ZNF285: variants seen among roughly 807,000 people sequenced by gnomAD.
ZNF285 encodes the protein zinc finger protein 285.
In ZNF285, 4 loss-of-function variants were observed where a neutral mutation model predicts 6.2. The observed-to-expected ratio is 0.65, with a 90% CI of 0.32 to 1.49. ZNF285 has a LOEUF of 1.49. ZNF285 is among the 40% of genes most tolerant of loss of function. The pLI, the probability that ZNF285 is intolerant of heterozygous loss-of-function variation, is 0.07. For missense variants in ZNF285, 695 were observed against 708.8 expected (o/e 0.98, Z 0.22); for synonymous variants, 240 against 245.8 (o/e 0.98, Z 0.22).
chr19:44,387,202 T>G lies in ZNF285; in HGVS notation c.1043A>C (p.Glu348Ala), dbSNP rs145215668. The G allele has an allele frequency of 4.9e-5, 79 of 1,612,700 alleles. 1 individual carries two copies. The Admixed American group carries it at 5.8e-4, about 12-fold the overall frequency. ...CCTAAATCCAAACCCTTTCCCACAT[T>G]CATCGCATTTGTAGGGCATCTCCCC... ...HTGEMPYKCD[E>A]CGKGFGFRSL... Residue 348 changes from glutamate to alanine, a missense_variant, in exon 4 of 4, where the codon GAA becomes GCA. Glu to Ala is a moderately radical substitution (Grantham distance 107). Transcript: ENST00000614994.
intron 2 of ZNF285, among the ~76,000 whole-genome samples, chr19:44,393,082 ATGTGAAATT>A (rs1971224221): frequency 6.6e-6 from 1 of 152,174 alleles, no homozygotes; most frequent in Admixed American, 6.5e-5. Context: ...AGTGGTATCA[ATGTGAAATT>A]TCTTGAGTAT....
chr19:44,392,731 C>T, intron 2 of ZNF285: 1 of 602,098 alleles, frequency 1.7e-6, no homozygotes, highest in East Asian at 3.5e-5. Context: ...TGTTGAGGCT[C>T]TCATAAGGAC....
intron 2 of ZNF285, chr19:44,394,494 A>G (rs753368708): frequency 3.9e-6 from 2 of 512,756 alleles, no homozygotes. Flanking sequence ...AACCCCCGCA[A>G]CACATAATTT....
rs894727049 is a variant in ZNF285, at chr19:44,386,733, T to C, written c.1512A>G (p.Arg504=). ...TATATGGTTTCTCTCTGATGTGATCTCTTTGATGTAAGTGAAAATATGAAC... is the reference window on the plus strand; with the variant it reads ...TATATGGTTTCTCTCTGATGTGATCCCTTTGATGTAAGTGAAAATATGAAC... ...SYSSYFHLHQ[R]DHIREKPYKC... Residue 504 remains arginine (R), a synonymous_variant, in exon 4 of 4, where the codon AGA becomes AGG. Coordinates refer to ENST00000614994, the MANE Select transcript of ZNF285 (RefSeq NM_152354.6). 3 of 1,614,240 alleles carry C rather than the reference T, an allele frequency of 1.9e-6. No individual in the cohort carries two copies. Among genetic ancestry groups the C allele is most frequent in the Admixed American group, 1.7e-5 (1 of 60,018 alleles).
At chr19:44,397,371 T>C in intron 1 of ZNF285, 115 bp from the exon 2 acceptor site, 1 of 1,246,328 alleles carries the variant, frequency 8.0e-7, no homozygotes, top group South Asian at 1.3e-5. Context: ...GGATATCATC[T>C]CTTCTCGCTC....
In ZNF285 at chr19:44,387,888, A is replaced by C. The variant is rs745926254; in HGVS notation, c.357T>G (p.Ser119=). 4 of 1,613,842 alleles carry C rather than the reference A, an allele frequency of 2.5e-6. No homozygotes were observed. The highest frequency in any genetic ancestry group is 3.4e-6 in the Non-Finnish European group (4 of 1,179,874). The change falls in exon 4 of 4, where the codon TCT becomes TCG. Residue 119 remains serine, a synonymous_variant. Coordinates refer to ENST00000614994, the MANE Select transcript of ZNF285 (RefSeq NM_152354.6). The stretch of plus-strand genomic sequence containing the variant: ...CATTTACTACATAGTTTTCATTTTC[A>C]GAAATCTGAAGAGAAATGCCTGCCC... The part of the protein sequence containing the change: ...EEWAGISLQI[S]ENENYVVNAI...
Position 44,384,885 on chromosome 19 carries a change from C to G in ZNF285, c.*1587G>C, listed in dbSNP as rs1396983546. ...CGGTGGTGTATGTCTGTAGTCCCAG[C>G]TACTCAGGAGGCTGAGGCAGGAGGA... On this transcript the variant is annotated 3_prime_UTR_variant, in exon 4 of 4. Coordinates refer to ENST00000614994, the MANE Select transcript of ZNF285 (RefSeq NM_152354.6). The G allele has an allele frequency of 6.6e-6, 1 of 151,480 alleles. No individual in the cohort carries two copies. The highest frequency in any genetic ancestry group is 6.6e-5 in the Admixed American group (1 of 15,134). The allele number at this position is 151,480 out of a possible 1,614,324, so 9.4% of individuals were successfully genotyped here. A position where few individuals can be genotyped will look rare whatever the true frequency, so the allele number is the denominator to read the frequency against.
chr19:44,398,500 A>G (rs1043451027), intron 1 of ZNF285, among the ~76,000 whole-genome samples: 1 of 152,182 alleles, frequency 6.6e-6, no homozygotes, highest in African/African-American at 2.4e-5. Context: ...CATGGCCTCC[A>G]TCAGGCAGCT....
intron 3 of ZNF285, among the ~76,000 whole-genome samples, chr19:44,389,104 A>G (rs1971149445): frequency 6.6e-6 from 1 of 151,124 alleles, no homozygotes; most frequent in South Asian, 2.1e-4. Context: ...CCTACAATCC[A>G]TTTCCTTAAG....
chr19:44,396,866 G>A (rs375264171), intron 2 of ZNF285: 14 of 324,326 alleles, frequency 4.3e-5, no homozygotes, highest in African/African-American at 2.5e-4. Context: ...CCATGCACTC[G>A]GATGCTGCGG....
intron 1 of ZNF285, 164 bp downstream of exon 1, chr19:44,401,404 C>T (rs1448030062): frequency 6.6e-6 from 1 of 152,284 alleles, no homozygotes; most frequent in African/African-American, 2.4e-5. Flanking sequence ...GGTCGGGCCG[C>T]TGAACTTCCC....
intron 3 of ZNF285, among the ~76,000 whole-genome samples, chr19:44,388,463 T>C (rs1415994151): frequency 6.6e-6 from 1 of 151,396 alleles, no homozygotes; most frequent in East Asian, 1.9e-4. Context: ...TCCCAGCTAC[T>C]TGGAAATCTG....
At chr19:44,396,552 A>C (rs1307319562) in intron 2 of ZNF285, 1 of 152,242 alleles carries the variant, frequency 6.6e-6, no homozygotes, top group African/African-American at 2.4e-5. Context: ...AATAAACTGA[A>C]AGGTCTTATG....
rs1355873058 is a variant in ZNF285 at position 44,382,804 on chromosome 19, A to C, written c.*3668T>G. ...TCTGGACTACTTAACTAAAGCAGAC[A>C]ATCTGGCTTTAGTTGTCAGAGCTTC... On this transcript the variant is annotated 3_prime_UTR_variant, in exon 4 of 4. Coordinates refer to ENST00000614994, the MANE Select transcript of ZNF285 (RefSeq NM_152354.6). 6.6e-6 allele frequency: 1 copy of C among 152,180 alleles called. No homozygotes were observed. Among genetic ancestry groups the C allele is most frequent in the Non-Finnish European group, 1.5e-5 (1 of 68,042 alleles). The allele number at this position is 152,180 out of a possible 1,614,324, so 9.4% of individuals were successfully genotyped here.
Position 44,386,363 on chromosome 19 carries a change from A to T in ZNF285, c.*109T>A. The T allele has an allele frequency of 8.6e-7, 1 of 1,164,472 alleles. No homozygotes were observed. Among genetic ancestry groups the T allele is most frequent in the Non-Finnish European group, 1.2e-6 (1 of 839,514 alleles). 72.1% of individuals were successfully genotyped at this position (1,164,472 alleles called of 1,614,324 possible). ...GCTGCAGGCTGACATTATCGATGGC[A>T]GTGTCCCTGTCTTTTGCTCCCCTAG... On this transcript the variant is annotated 3_prime_UTR_variant, in exon 4 of 4. Coordinates refer to ENST00000614994, the MANE Select transcript of ZNF285 (RefSeq NM_152354.6).
chr19:44,387,775 G>T lies in ZNF285; in HGVS notation c.470C>A (p.Thr157Asn), dbSNP rs1599955991. Reference protein sequence around the residue: ...PESWRKANIMTEPQNSQGRYK... With the variant: ...PESWRKANIMNEPQNSQGRYK... ...TCTTCCCTGAGAGTTCTGGGGCTCG[G>T]TCATTATGTTGGCTTTCCTCCACGA... Residue 157 changes from threonine (T) to asparagine (N), a missense_variant, in exon 4 of 4, where the codon ACC becomes AAC. Thr to Asn is a moderately conservative substitution (Grantham distance 65). Coordinates refer to ENST00000614994, the MANE Select transcript of ZNF285 (RefSeq NM_152354.6). The T allele has an allele frequency of 6.2e-7, 1 of 1,613,722 alleles. No individual in the cohort carries two copies. The highest frequency in any genetic ancestry group is 1.3e-5 in the African/African-American group (1 of 74,856).
Position 44,385,952 on chromosome 19 carries a change from C to T in ZNF285, c.*520G>A, listed in dbSNP as rs73934845. On this transcript the variant is annotated 3_prime_UTR_variant, in exon 4 of 4. Transcript: ENST00000614994. ...TAAACACAGCACTGCCTCTGCCACA[C>T]CCTTCAAATGCCACTTCTATGGAGC... 5,682 of 160,510 alleles carry T rather than the reference C, an allele frequency of 0.035. 366 individuals carry two copies. The highest frequency in any genetic ancestry group is 0.13 in the African/African-American group (5,408 of 41,554). The allele number at this position is 160,510 out of a possible 1,614,324, so 9.9% of individuals were successfully genotyped here.
Position 44,388,040 on chromosome 19 carries a change from C to A in ZNF285, c.205G>T (p.Glu69Ter), listed in dbSNP as rs1447375392. ...QAKGLSYLSQ[E>*]VLHCWQIWKQ... The stretch of plus-strand genomic sequence containing the variant: ...CAAATCTGCCAGCAATGAAGCACTT[C>A]TTGCGAAAGGTAACTTAACCCCTTT... Residue 69 changes from glutamate (E) to a stop codon, truncating the protein, a stop_gained, in exon 4 of 4, where the codon GAA becomes TAA. Coordinates refer to ENST00000614994, the MANE Select transcript of ZNF285 (RefSeq NM_152354.6). LOFTEE classifies it low-confidence loss of function (END_TRUNC). 6.2e-7 allele frequency: 1 copy of A among 1,614,070 alleles called. No homozygotes were observed.
In ZNF285 at chr19:44,388,001, G is replaced by A. The variant is rs1231658384; in HGVS notation, c.244C>T (p.Arg82Trp). The change falls in exon 4 of 4, where the codon CGG becomes TGG. Residue 82 changes from arginine (R) to tryptophan (W), a missense_variant. Coordinates refer to ENST00000614994, the MANE Select transcript of ZNF285 (RefSeq NM_152354.6). ...TAATCCTGACTCACAGTTAAATCCC[G>A]GATCCTTTGTTTCCAAATCTGCCAG... ...HCWQIWKQRI[R>W]DLTVSQDYIV... The A allele has an allele frequency of 1.1e-5, 18 of 1,613,944 alleles. No homozygotes were observed. Among genetic ancestry groups the A allele is most frequent in the African/African-American group, 4.0e-5 (3 of 74,896 alleles).
Sources: allele counts gnomAD v4.1 joint callset (sites outside exome capture counted in the v4.1 genomes callset), GRCh38; gene constraint gnomAD v4.1.1; transcripts MANE v1.5; gene names NCBI Gene and HGNC (gene_info 2026-07-23, HGNC 2026-07-21).